The following TRAF3IP1 variants were observed in gnomAD, a reference collection of about 807,000 sequenced individuals.
TRAF3IP1 encodes intraflagellar transport 54, also known as TRAF3-interacting protein 1.
A neutral mutation model predicts 89.9 loss-of-function variants in TRAF3IP1; 53 were observed. The ratio of observed to expected loss-of-function variants is 0.59; its 90% CI spans 0.47 to 0.74. TRAF3IP1 has a LOEUF of 0.74. TRAF3IP1 is among the 30% of genes least tolerant of loss of function. The probability of loss-of-function intolerance (pLI) is 0.00; values close to 1 mark genes in which losing one functional copy is unlikely to be tolerated. For missense variants in TRAF3IP1, 806 were observed against 866.1 expected (o/e 0.93, Z 0.87); for synonymous variants, 311 against 322.1 (o/e 0.97, Z 0.37).
chr2:238,362,884 A>G (rs1435058895), intron 15 of TRAF3IP1, among the ~76,000 whole-genome samples: 1 of 152,232 alleles, frequency 6.6e-6, no homozygotes, highest in Non-Finnish European at 1.5e-5. Context: ...TGGGCCGCAC[A>G]CAGTGGCGGG....
chr2:238,325,358 A>C lies in TRAF3IP1; in HGVS notation c.176A>C (p.Lys59Thr), dbSNP rs1559352877. 2 of 1,614,084 alleles carry C rather than the reference A, an allele frequency of 1.2e-6. No homozygotes were observed. Among genetic ancestry groups the C allele is most frequent in the Middle Eastern group, 1.7e-4 (1 of 6,042 alleles). ...GGCCTCTACACAGACGCCGAGATGA[A>C]GTCTGATAATGTGAAGGTGGGTTTG... ...MKGLYTDAEM[K>T]SDNVKDKDAK... Residue 59 changes from lysine to threonine, a missense_variant, in exon 2 of 17, where the codon AAG becomes ACG. Lys to Thr is a moderately conservative substitution (Grantham distance 78). Coordinates refer to ENST00000373327, the MANE Select transcript of TRAF3IP1 (RefSeq NM_015650.4).
At chr2:238,390,404 T>C (rs2106376751) in intron 15 of TRAF3IP1, among the ~76,000 whole-genome samples, 1 of 152,298 alleles carries the variant, frequency 6.6e-6, no homozygotes, top group South Asian at 2.1e-4. Context: ...AGTGTGTCGA[T>C]GAGGAAGGTA....
intron 15 of TRAF3IP1, among the ~76,000 whole-genome samples, chr2:238,369,857 A>T (rs1304016767): frequency 6.6e-6 from 1 of 151,984 alleles, no homozygotes; most frequent in Non-Finnish European, 1.5e-5. Context: ...TGTGCCTTCC[A>T]CTTGGACTCT....
chr2:238,336,627 A>C (rs1413380885), intron 7 of TRAF3IP1, among the ~76,000 whole-genome samples: 1 of 152,182 alleles, frequency 6.6e-6, no homozygotes, highest in Admixed American at 6.5e-5. Context: ...ATTTCTAAGT[A>C]GTGCATACAG....
At chr2:238,334,144 C>T in intron 7 of TRAF3IP1, 109 bp downstream of exon 7, 1 of 826,032 alleles carries the variant, frequency 1.2e-6, no homozygotes, top group East Asian at 2.7e-5. Flanking sequence ...GGAAAACAGA[C>T]TTGCTGTGTC....
intron 7 of TRAF3IP1, among the ~76,000 whole-genome samples, chr2:238,337,768 CG>C (rs1415733079): frequency 1.3e-5 from 2 of 152,048 alleles, no homozygotes; most frequent in Admixed American, 1.3e-4. Context: ...TTGACATAGA[CG>C]GTTCTGGGAG....
intron 15 of TRAF3IP1, among the ~76,000 whole-genome samples, chr2:238,358,862 A>G (rs1271000929): frequency 1.3e-5 from 2 of 152,154 alleles, no homozygotes; most frequent in Non-Finnish European, 2.9e-5. Flanking sequence ...CAATGCTTCC[A>G]TGGCTCCTCT....
chr2:238,334,193 G>C, intron 7 of TRAF3IP1, 158 bp downstream of exon 7: 1 of 649,086 alleles, frequency 1.5e-6, no homozygotes, highest in Non-Finnish European at 2.7e-6. Flanking sequence ...AAGATTTGTG[G>C]CTGTTACATA....
intron 15 of TRAF3IP1, among the ~76,000 whole-genome samples, chr2:238,371,737 T>C (rs1352751657): frequency 6.6e-6 from 1 of 152,248 alleles, no homozygotes; most frequent in Non-Finnish European, 1.5e-5. Context: ...AAGAAGAATA[T>C]AAACTATCTC....
Position 238,332,896 on chromosome 2 carries a change from G to C in TRAF3IP1, c.987+1G>C. ...TAAAGACTCCAAGGCTGAAACAGAG[G>C]TAAACTTTAAAAAATAACTTTTAAG... On this transcript the variant is annotated splice_donor_variant, in intron 6 of 16. Coordinates refer to ENST00000373327, the MANE Select transcript of TRAF3IP1 (RefSeq NM_015650.4). LOFTEE classifies it high-confidence loss of function. 11 of 1,608,146 alleles carry C rather than the reference G, an allele frequency of 6.8e-6. No homozygotes were observed. Among genetic ancestry groups the C allele is most frequent in the Non-Finnish European group, 9.4e-6 (11 of 1,175,046 alleles).
intron 15 of TRAF3IP1, among the ~76,000 whole-genome samples, chr2:238,372,644 C>G (rs985146931): frequency 1.3e-5 from 2 of 152,092 alleles, no homozygotes; most frequent in Admixed American, 1.3e-4. Context: ...TGGGTATATA[C>G]CCAGTAATGG....
At chr2:238,332,963 C>T (rs368170752) in intron 6 of TRAF3IP1, 68 bp downstream of exon 6, 37 of 1,215,142 alleles carry the variant, frequency 3.0e-5, no homozygotes, top group Middle Eastern at 3.8e-4. Flanking sequence ...GAATGCTGTG[C>T]GCTCCCCGGG....
rs33964253 is a variant in TRAF3IP1, at chr2:238,367,163, CAAAAAAAAAAAA to C, written c.1689+11098_1689+11109del. 1.1e-4 allele frequency among the ~76,000 whole-genome samples: 4 copies of C among 36,162 alleles called. No individual in the cohort carries two copies. In the South Asian group the frequency reaches 8.5e-3, roughly 77 times the overall value. The allele number at this position is 36,162 out of a possible 152,430, so 23.7% of individuals were successfully genotyped here. A position where few individuals can be genotyped will look rare whatever the true frequency, so the allele number is the denominator to read the frequency against. On this transcript the variant is annotated intron_variant, in intron 15 of 16. Coordinates refer to ENST00000373327, the MANE Select transcript of TRAF3IP1 (RefSeq NM_015650.4). Reference sequence around the variant, plus strand: ...TGGGTGACAAAGCAAGACTCTGTCTCAAAAAAAAAAAAAAAAAAAAAAAAAAGAAAATTAGTG... The same window carrying C: ...TGGGTGACAAAGCAAGACTCTGTCTCAAAAAAAAAAAAAAGAAAATTAGTG...
At position 238,334,015 on chromosome 2, in the gene TRAF3IP1, G is replaced by A. The variant is rs369516358; in HGVS notation, c.1043G>A (p.Arg348Gln). 4.2e-5 allele frequency: 68 copies of A among 1,610,116 alleles called. No individual in the cohort carries two copies. The highest frequency in any genetic ancestry group is 1.6e-4 in the Middle Eastern group (1 of 6,072). Residue 348 changes from arginine to glutamine, a missense_variant, in exon 7 of 17, where the codon CGA (arginine) becomes CAA (glutamine). Physicochemically the swap from Arg to Gln is conservative, Grantham distance 43. Around this residue, in one of 3 missense-constraint regions of TRAF3IP1, gnomAD observed 732 missense variants for 780.5 expected, o/e 0.94. Coordinates refer to ENST00000373327, the MANE Select transcript of TRAF3IP1 (RefSeq NM_015650.4). ...KSLTTKTSKRRSKNSVEGRKE... is the reference protein window; with the variant it reads ...KSLTTKTSKRQSKNSVEGRKE... The stretch of plus-strand genomic sequence containing the variant: ...TTGACAACAAAAACATCAAAACGGC[G>A]ATCCAAAAATTCAGTGGAAGGTACT...
chr2:238,395,046 G>C (rs1428407184), intron 15 of TRAF3IP1, among the ~76,000 whole-genome samples: 1 of 152,106 alleles, frequency 6.6e-6, no homozygotes, highest in Non-Finnish European at 1.5e-5. Flanking sequence ...GGAGTGGGTG[G>C]GGGGGTGTCC....
intron 15 of TRAF3IP1, among the ~76,000 whole-genome samples, chr2:238,388,517 GA>G (rs1008882659): frequency 1.3e-5 from 2 of 151,236 alleles, no homozygotes; most frequent in Non-Finnish European, 2.9e-5. Context: ...AGGACACTTA[GA>G]ATAATTATTC....
intron 9 of TRAF3IP1, chr2:238,347,172 T>C (rs2106390215): frequency 2.6e-6 from 1 of 379,014 alleles, no homozygotes; most frequent in Non-Finnish European, 4.8e-6. Context: ...CATGAACTTG[T>C]TAACTTCCTC....
At chr2:238,394,634 G>T (rs569187725) in intron 15 of TRAF3IP1, among the ~76,000 whole-genome samples, 21 of 152,118 alleles carry the variant, frequency 1.4e-4, no homozygotes, top group Non-Finnish European at 2.6e-4. Context: ...TGCTCATCTT[G>T]TATACTACAA....
rs149353262 is a variant in TRAF3IP1, at chr2:238,329,974, C to T, written c.915+632C>T. Among the ~76,000 whole-genome samples, 8 of 152,298 alleles carry T rather than the reference C, an allele frequency of 5.3e-5. No homozygotes were observed. In the East Asian group the frequency reaches 1.3e-3, roughly 26 times the overall value. ...CCCACCAGGCATGTAGAGAAATCAA[C>T]GTTTTTCAGAGTTTGAGCTGATTTG... On this transcript the variant is annotated intron_variant, in intron 5 of 16. Transcript: ENST00000373327.
Sources: gnomAD v4.1 joint callset for allele counts (sites outside exome capture counted in the v4.1 genomes callset) on GRCh38, gnomAD v4.1.1 for gene constraint, gnomAD v4.1.1 regional missense constraint, MANE v1.5 for transcripts, NCBI Gene and HGNC (gene_info 2026-07-23, HGNC 2026-07-21) for gene names.